ARMCX2: variants seen among roughly 807,000 people sequenced by gnomAD.
ARMCX2 encodes the protein armadillo repeat-containing X-linked protein 2.
A neutral mutation model predicts 17.0 loss-of-function variants in ARMCX2; 2 were observed. The observed-to-expected ratio is 0.12, with a 90% CI of 0.05 to 0.37. ARMCX2 has a LOEUF of 0.37. ARMCX2 is among the 10% of genes least tolerant of loss of function. The pLI is 1.00. For synonymous variants in ARMCX2, 182 were observed against 195.2 expected, an observed-to-expected ratio of 0.93 and a Z score of 0.57; for missense variants, 408 against 497.7, an observed-to-expected ratio of 0.82 and a Z score of 1.72.
In ARMCX2 at chrX:101,657,412, G is replaced by C. The variant is rs781894857; in HGVS notation, c.177C>G (p.Ala59=). The C allele has an allele frequency of 8.2e-7, 1 of 1,212,192 alleles. No homozygotes were observed. Reference sequence around the variant, plus strand: ...CTGACCCAAGGTCGATTGTGAATCCGGCTCTTAGCCCAGCTCTAGCCCTGG... The same window carrying C: ...CTGACCCAAGGTCGATTGTGAATCCCGCTCTTAGCCCAGCTCTAGCCCTGG... ...TGARARAGLR[A]GFTIDLGSGF... Residue 59 remains alanine (A), a synonymous_variant, in exon 6 of 6, where the codon GCC becomes GCG. Transcript: ENST00000356824.
At position 101,655,443 on chromosome X, in the gene ARMCX2, C is replaced by A; in HGVS notation, c.*247G>T. The A allele has an allele frequency of 4.2e-6, 1 of 236,683 alleles. No homozygotes were observed. Among genetic ancestry groups the A allele is most frequent in the Non-Finnish European group, 7.6e-6 (1 of 131,693 alleles). The allele number at this position is 236,683 out of a possible 1,213,427, so 19.5% of individuals were successfully genotyped here. A position where few individuals can be genotyped will look rare whatever the true frequency, so the allele number is the denominator to read the frequency against. Reference sequence around the variant, plus strand: ...TAAAAATATTTCTATCCAAGCAGCACGATTAAAGTCACAAATATGTTTTCA... The same window carrying A: ...TAAAAATATTTCTATCCAAGCAGCAAGATTAAAGTCACAAATATGTTTTCA... On this transcript the variant is annotated 3_prime_UTR_variant, in exon 6 of 6. Transcript: ENST00000356824.
chrX:101,655,852 G>A lies in ARMCX2; in HGVS notation c.1737C>T (p.Asp579=). 1.7e-6 allele frequency: 2 copies of A among 1,208,316 alleles called. No individual in the cohort carries two copies. The highest frequency in any genetic ancestry group is 2.2e-6 in the Non-Finnish European group (2 of 893,394). Residue 579 remains aspartate (D), a synonymous_variant, in exon 6 of 6, where the codon GAC becomes GAT. Coordinates refer to ENST00000356824, the MANE Select transcript of ARMCX2 (RefSeq NM_177949.4). ...AGTTAAACACTTCTGCTCTGAGATTGTCATAGATAATCTCAAATAGAGTAA... is the reference window on the plus strand; with the variant it reads ...AGTTAAACACTTCTGCTCTGAGATTATCATAGATAATCTCAAATAGAGTAA... ...NALTLFEIIY[D]NLRAEVFNYR...
chrX:101,657,819 C>G (rs781805310), intron 5 of ARMCX2, 104 bp from the exon 6 acceptor site: 15 of 364,592 alleles, frequency 4.1e-5, no homozygotes, highest in Non-Finnish European at 7.2e-5. Context: ...CGTTGGCGGG[C>G]TAGCACCCAG....
At position 101,655,596 on chromosome X, in the gene ARMCX2, T is replaced by G. The variant is rs782788449; in HGVS notation, c.*94A>C. 1.2e-5 allele frequency: 8 copies of G among 693,526 alleles called. No individual in the cohort carries two copies. The highest frequency in any genetic ancestry group is 1.7e-5 in the Non-Finnish European group (8 of 476,520). The allele number at this position is 693,526 out of a possible 1,213,427, so 57.2% of individuals were successfully genotyped here. On this transcript the variant is annotated 3_prime_UTR_variant, in exon 6 of 6. Transcript: ENST00000356824. The stretch of plus-strand genomic sequence containing the variant: ...CAGCTGAAAGGATCCCTTTACTATA[T>G]GAGCAAGTGGAAAAGCAGTAACTTT...
Position 101,655,291 on chromosome X carries a change from T to C in ARMCX2, c.*399A>G, listed in dbSNP as rs1332879377. ...AAGCATTAGAACGACTTTTTGTCAG[T>C]TGAAACATACAACTTTATTGATGAT... is the stretch of plus-strand genomic sequence containing the variant. On this transcript the variant is annotated 3_prime_UTR_variant, in exon 6 of 6. Coordinates refer to ENST00000356824, the MANE Select transcript of ARMCX2 (RefSeq NM_177949.4). 1 of 115,473 alleles carries C rather than the reference T, an allele frequency of 8.7e-6. No homozygotes were observed. 9.5% of individuals were successfully genotyped at this position (115,473 alleles called of 1,213,427 possible).
rs2147382747 is a variant in ARMCX2 at position 101,656,807 on chromosome X, G to A, written c.782C>T (p.Pro261Leu). 1 of 1,211,795 alleles carries A rather than the reference G, an allele frequency of 8.3e-7. No individual in the cohort carries two copies. Among genetic ancestry groups the A allele is most frequent in the East Asian group, 3.0e-5 (1 of 33,808 alleles). ...PGTSAAKKAT[P>L]GAHTGAIPKA... ...CGGTATAGCCCCAGTGTGAGCCCCAGGGGTTGCTTTCTTGGCAGCTGATGT... is the reference window on the plus strand; with the variant it reads ...CGGTATAGCCCCAGTGTGAGCCCCAAGGGTTGCTTTCTTGGCAGCTGATGT... The change falls in exon 6 of 6, where the codon CCT becomes CTT. Residue 261 changes from proline to leucine, a missense_variant. This residue lies in a region of ARMCX2 where 307 missense variants were observed against 326.8 expected (regional missense o/e 0.94). Coordinates refer to ENST00000356824, the MANE Select transcript of ARMCX2 (RefSeq NM_177949.4).
Position 101,657,437 on chromosome X carries a change from G to A in ARMCX2, c.152C>T (p.Ala51Val). ...PKNRAVAGTG[A>V]RARAGLRAGF... ...GGCTCTTAGCCCAGCTCTAGCCCTG[G>A]CTCCAGTCCCAGCCACAGCCCGGTT... is the stretch of plus-strand genomic sequence containing the variant. The change falls in exon 6 of 6, where the codon GCC becomes GTC. Residue 51 changes from alanine (A) to valine (V), a missense_variant. By Grantham distance (64) the Ala-to-Val change is moderately conservative. Transcript: ENST00000356824. 8.2e-7 allele frequency: 1 copy of A among 1,212,161 alleles called. No homozygotes were observed. The highest frequency in any genetic ancestry group is 2.2e-5 in the Admixed American group (1 of 46,148).
Position 101,655,676 on chromosome X carries a change from C to T in ARMCX2, c.*14G>A, listed in dbSNP as rs374053533. On this transcript the variant is annotated 3_prime_UTR_variant, in exon 6 of 6. Transcript: ENST00000356824. The stretch of plus-strand genomic sequence containing the variant: ...CATGAAATTTCTTCAAGTCTTTTGA[C>T]GGTACATAACCAATCAGAATTTGTT... 35 of 1,074,398 alleles carry T rather than the reference C, an allele frequency of 3.3e-5. No individual in the cohort carries two copies. The highest frequency in any genetic ancestry group is 3.2e-4 in the African/African-American group (17 of 53,285). The allele number at this position is 1,074,398 out of a possible 1,213,427, so 88.5% of individuals were successfully genotyped here.
Position 101,656,974 on chromosome X carries a change from T to A in ARMCX2, c.615A>T (p.Val205=). 8.3e-7 allele frequency: 1 copy of A among 1,211,554 alleles called. No individual in the cohort carries two copies. The highest frequency in any genetic ancestry group is 1.1e-6 in the Non-Finnish European group (1 of 895,454). Residue 205 remains valine, a synonymous_variant, in exon 6 of 6, where the codon GTA becomes GTT. Coordinates refer to ENST00000356824, the MANE Select transcript of ARMCX2 (RefSeq NM_177949.4). ...GCGATGCCACCCCGGGAGCTTCAGC[T>A]ACCTTGGTAGGTGCTGCTACCCCAG... The part of the protein sequence containing the change: ...EGPGVAAPTK[V]AEAPGVASPT...
rs782788449 is a variant in ARMCX2, at chrX:101,655,596, T to C, written c.*94A>G. The C allele has an allele frequency of 6.4e-5, 44 of 692,079 alleles. No individual in the cohort carries two copies. The highest frequency in any genetic ancestry group is 8.6e-5 in the Non-Finnish European group (41 of 476,328). The allele number at this position is 692,079 out of a possible 1,213,427, so 57.0% of individuals were successfully genotyped here. A position where few individuals can be genotyped will look rare whatever the true frequency, so the allele number is the denominator to read the frequency against. On this transcript the variant is annotated 3_prime_UTR_variant, in exon 6 of 6. Coordinates refer to ENST00000356824, the MANE Select transcript of ARMCX2 (RefSeq NM_177949.4). ...CAGCTGAAAGGATCCCTTTACTATA[T>C]GAGCAAGTGGAAAAGCAGTAACTTT...
intron 3 of ARMCX2, among the ~76,000 whole-genome samples, chrX:101,658,809 C>T (rs782461324): frequency 9.0e-6 from 1 of 110,818 alleles, no homozygotes; most frequent in Non-Finnish European, 1.9e-5. Context: ...TGCAACGAAG[C>T]GGGAGGGGAG....
intron 4 of ARMCX2, 57 bp from the exon 5 acceptor site, chrX:101,658,199 T>G (rs1418110534): frequency 1.8e-5 from 2 of 112,062 alleles, no homozygotes; most frequent in African/African-American, 6.5e-5. Flanking sequence ...TTCTGGTTCT[T>G]TTCCTGATTT....
Position 101,656,699 on chromosome X carries a change from C to T in ARMCX2, c.890G>A (p.Gly297Asp), listed in dbSNP as rs782562393. Residue 297 changes from glycine to aspartate, a missense_variant, in exon 6 of 6, where the codon GGC (glycine) becomes GAC (aspartate). By Grantham distance (94) the Gly-to-Asp change is moderately conservative. This residue lies in a region of ARMCX2 where 307 missense variants were observed against 326.8 expected (regional missense o/e 0.94). Transcript: ENST00000356824. ...GTCTACTTCAACTTTGCTTTTCTTG[C>T]CCTTGCCCTTGCCCCCATTCCGGGA... The part of the protein sequence containing the change: ...TRSRNGGKGK[G>D]KKSKVEVDEL... 2 of 1,211,117 alleles carry T rather than the reference C, an allele frequency of 1.7e-6. No individual in the cohort carries two copies. Among genetic ancestry groups the T allele is most frequent in the Non-Finnish European group, 1.1e-6 (1 of 895,355 alleles).
rs782671204 is a variant in ARMCX2, at chrX:101,655,896, C to G, written c.1693G>C (p.Glu565Gln). 1.7e-6 allele frequency: 2 copies of G among 1,210,077 alleles called. No homozygotes were observed. The highest frequency in any genetic ancestry group is 2.2e-5 in the Admixed American group (1 of 46,030). The change falls in exon 6 of 6, where the codon GAA (glutamate) becomes CAA (glutamine). Residue 565 changes from glutamate (E) to glutamine (Q), a missense_variant. Physicochemically the swap from Glu to Gln is conservative, Grantham distance 29. Coordinates refer to ENST00000356824, the MANE Select transcript of ARMCX2 (RefSeq NM_177949.4). ...AGAGTAAGGGCATTAATAAGGATTT[C>G]TGATTCCACGTAAGAATTATAGAGG... ...SSLYNSYVES[E>Q]ILINALTLFE... is the part of the protein sequence containing the mutation.
Position 101,655,615 on chromosome X carries a change from T to C in ARMCX2, c.*75A>G. ...ACTATATGAGCAAGTGGAAAAGCAG[T>C]AACTTTCAATTTTCAACGCTTCCAC... On this transcript the variant is annotated 3_prime_UTR_variant, in exon 6 of 6. Transcript: ENST00000356824. 1 of 848,551 alleles carries C rather than the reference T, an allele frequency of 1.2e-6. No individual in the cohort carries two copies. The highest frequency in any genetic ancestry group is 1.6e-6 in the Non-Finnish European group (1 of 615,824). 69.9% of individuals were successfully genotyped at this position (848,551 alleles called of 1,213,427 possible).
Position 101,656,698 on chromosome X carries a change from G to C in ARMCX2, c.891C>G (p.Gly297=). 8.3e-7 allele frequency: 1 copy of C among 1,210,809 alleles called. No individual in the cohort carries two copies. The highest frequency in any genetic ancestry group is 1.1e-6 in the Non-Finnish European group (1 of 895,250). Residue 297 remains glycine (G), a synonymous_variant, in exon 6 of 6, where the codon GGC becomes GGG. Coordinates refer to ENST00000356824, the MANE Select transcript of ARMCX2 (RefSeq NM_177949.4). ...TRSRNGGKGK[G]KKSKVEVDEL... ...CGTCTACTTCAACTTTGCTTTTCTT[G>C]CCCTTGCCCTTGCCCCCATTCCGGG...
chrX:101,657,006 C>T lies in ARMCX2; in HGVS notation c.583G>A (p.Glu195Lys), dbSNP rs782242885. 6 of 1,211,196 alleles carry T rather than the reference C, an allele frequency of 5.0e-6. No homozygotes were observed. The highest frequency in any genetic ancestry group is 5.9e-5 in the East Asian group (2 of 33,793). The change falls in exon 6 of 6, where the codon GAG becomes AAG. Residue 195 changes from glutamate (E) to lysine (K), a missense_variant. Around this residue, in one of 2 missense-constraint regions of ARMCX2, gnomAD observed 307 missense variants for 326.8 expected, o/e 0.94. Coordinates refer to ENST00000356824, the MANE Select transcript of ARMCX2 (RefSeq NM_177949.4). ...GTAGGTGCTGCTACCCCAGGACCCT[C>T]GGTCACCTCAGTGGGTGCTGCCGCT... ...TEAAAPTEVT[E>K]GPGVAAPTKV...
rs1245135303 is a variant in ARMCX2, at chrX:101,657,518, A to T, written c.71T>A (p.Val24Asp). The T allele has an allele frequency of 8.3e-7, 1 of 1,209,948 alleles. No homozygotes were observed. Among genetic ancestry groups the T allele is most frequent in the East Asian group, 3.0e-5 (1 of 33,741 alleles). Reference protein sequence around the residue: ...IVIGAGAWYCVYKYTRGRDQT... With the variant: ...IVIGAGAWYCDYKYTRGRDQT... ...GTCTCTCCCCCTGGTGTATTTGTAG[A>T]CACAGTACCAGGCACCAGCCCCTAT... The change falls in exon 6 of 6, where the codon GTC (valine) becomes GAC (aspartate). Residue 24 changes from valine (V) to aspartate (D), a missense_variant. By Grantham distance (152) the Val-to-Asp change is radical. Transcript: ENST00000356824.
At position 101,655,430 on chromosome X, in the gene ARMCX2, T is replaced by C. The variant is rs1936210496; in HGVS notation, c.*260A>G. ...TCAGAAGAACCAGTAAAAATATTTC[T>C]ATCCAAGCAGCACGATTAAAGTCAC... On this transcript the variant is annotated 3_prime_UTR_variant, in exon 6 of 6. Coordinates refer to ENST00000356824, the MANE Select transcript of ARMCX2 (RefSeq NM_177949.4). 1 of 214,111 alleles carries C rather than the reference T, an allele frequency of 4.7e-6. No homozygotes were observed. Among genetic ancestry groups the C allele is most frequent in the Admixed American group, 6.8e-5 (1 of 14,789 alleles). 17.6% of individuals were successfully genotyped at this position (214,111 alleles called of 1,213,427 possible). A position where few individuals can be genotyped will look rare whatever the true frequency, so the allele number is the denominator to read the frequency against.
Sources: gnomAD v4.1 joint callset for allele counts (sites outside exome capture counted in the v4.1 genomes callset) on GRCh38, gnomAD v4.1.1 for gene constraint, gnomAD v4.1.1 regional missense constraint, MANE v1.5 for transcripts, NCBI Gene and HGNC (gene_info 2026-07-23, HGNC 2026-07-21) for gene names.